The following MYRF variants were observed in gnomAD, a reference collection of about 807,000 sequenced individuals.
The protein encoded by MYRF is myelin gene regulatory factor.
In MYRF, 16 loss-of-function variants were observed where a neutral mutation model predicts 126.3. The ratio of observed to expected loss-of-function variants is 0.13; its 90% CI spans 0.09 to 0.19. The LOEUF (loss-of-function observed/expected upper bound fraction) is 0.19, where lower values mean the gene tolerates loss of function less well. Among genes scored for constraint, MYRF ranks in the 10% least tolerant of loss-of-function variants. The pLI is 1.00. For synonymous variants in MYRF, 608 were observed against 635.3 expected (o/e 0.96, Z 0.65); for missense variants, 1,104 against 1,547.0 (o/e 0.71, Z 4.80).
intron 3 of MYRF, 25 bp from the exon 4 acceptor site, chr11:61,769,235 C>G (rs373039511): frequency 1.3e-6 from 2 of 1,514,450 alleles, no homozygotes; most frequent in Non-Finnish European, 1.8e-6. Context: ...GCTCACCCCC[C>G]GGCCCCTTCC....
intron 1 of MYRF, among the ~76,000 whole-genome samples, chr11:61,762,117 T>C (rs2065916514): frequency 6.6e-6 from 1 of 151,992 alleles, no homozygotes; most frequent in Admixed American, 6.5e-5. Context: ...TTTCTCAGGC[T>C]TAGGGAACAG....
chr11:61,754,719 A>G (rs1291254750), intron 1 of MYRF, among the ~76,000 whole-genome samples: 1 of 152,162 alleles, frequency 6.6e-6, no homozygotes, highest in Non-Finnish European at 1.5e-5. Flanking sequence ...TACTCCCTCC[A>G]GAGAGATAAG....
intron 8 of MYRF, among the ~76,000 whole-genome samples, chr11:61,774,924 A>G (rs1296622520): frequency 6.6e-6 from 1 of 151,788 alleles, no homozygotes; most frequent in African/African-American, 2.4e-5. Flanking sequence ...GTCCCAAACT[A>G]AACTCCCTGC....
Position 61,769,309 on chromosome 11 carries a change from C to A in MYRF, c.448C>A (p.Gln150Lys), listed in dbSNP as rs1168443171. The A allele has an allele frequency of 3.1e-6, 5 of 1,610,198 alleles. No individual in the cohort carries two copies. Among genetic ancestry groups the A allele is most frequent in the Admixed American group, 1.7e-5 (1 of 59,742 alleles). Residue 150 changes from glutamine (Q) to lysine (K), a missense_variant, in exon 4 of 27, where the codon CAG (glutamine) becomes AAG (lysine). Transcript: ENST00000278836. The stretch of plus-strand genomic sequence containing the variant: ...CTCGGGCTCCGAGGCCTACTCCCCC[C>A]AGCAGGTGAATGGTGAGTCCAGCGG... The part of the protein sequence containing the change: ...PDSGSEAYSP[Q>K]QVNEPHLLRT...
Position 61,777,959 on chromosome 11 carries a change from C to T in MYRF, c.1903+114C>T. 2.4e-6 allele frequency: 2 copies of T among 823,950 alleles called. No individual in the cohort carries two copies. The highest frequency in any genetic ancestry group is 3.9e-6 in the Non-Finnish European group (2 of 512,776). 51.0% of individuals were successfully genotyped at this position (823,950 alleles called of 1,614,324 possible). ...CTCCTCTTGACTCCCGGAACTGCGC[C>T]CCTGGGAATCATGCCTTCTAGAAGT... On this transcript the variant is annotated intron_variant, in intron 13 of 26. Transcript: ENST00000278836. This position sits in a 1 kb window ranked among gnomAD's most constrained non-coding sequence, Gnocchi z 8.8.
chr11:61,769,082 C>A (rs562862166), intron 3 of MYRF, among the ~76,000 whole-genome samples, 178 bp from the exon 4 acceptor site: 6 of 152,344 alleles, frequency 3.9e-5, no homozygotes, highest in Admixed American at 3.9e-4. Flanking sequence ...GGCCCCAGGC[C>A]CTGCCAGGCA....
chr11:61,788,305 G>C lies in MYRF; in HGVS notation c.*2162G>C, dbSNP rs551788705. On this transcript the variant is annotated 3_prime_UTR_variant, in exon 27 of 27. Transcript: ENST00000278836. Reference sequence around the variant, plus strand: ...CTCCTGCCCATACCGTGCACCCTTAGAAGCCTGCGTGTGCATAGAGCGCCC... The same window carrying C: ...CTCCTGCCCATACCGTGCACCCTTACAAGCCTGCGTGTGCATAGAGCGCCC... 1 of 152,438 alleles carries C rather than the reference G, an allele frequency of 6.6e-6. No individual in the cohort carries two copies. The highest frequency in any genetic ancestry group is 2.4e-5 in the African/African-American group (1 of 41,520). The allele number at this position is 152,438 out of a possible 1,614,324, so 9.4% of individuals were successfully genotyped here.
In MYRF at chr11:61,757,773, T is replaced by A. The variant is rs971841579; in HGVS notation, c.46+4983T>A. On this transcript the variant is annotated intron_variant, in intron 1 of 26. Coordinates refer to ENST00000278836, the MANE Select transcript of MYRF (RefSeq NM_001127392.3). This position sits in a 1 kb window ranked among gnomAD's most constrained non-coding sequence, Gnocchi z 4.7. Reference sequence around the variant, plus strand: ...GTCTTCCTGGAGTCCTGGGGTGCAGTGGAAGCGTGGGTGACGGCCTCCCAT... The same window carrying A: ...GTCTTCCTGGAGTCCTGGGGTGCAGAGGAAGCGTGGGTGACGGCCTCCCAT... 3.0e-6 allele frequency: 1 copy of A among 338,982 alleles called. No homozygotes were observed. Among genetic ancestry groups the A allele is most frequent in the Non-Finnish European group, 5.9e-6 (1 of 170,346 alleles). The allele number at this position is 338,982 out of a possible 1,614,324, so 21.0% of individuals were successfully genotyped here. A position where few individuals can be genotyped will look rare whatever the true frequency, so the allele number is the denominator to read the frequency against.
chr11:61,779,819 G>T, intron 16 of MYRF, 23 bp from the exon 17 acceptor site: 1 of 1,609,472 alleles, frequency 6.2e-7, no homozygotes, highest in Non-Finnish European at 8.5e-7. Context: ...CTTTGCATTT[G>T]CACTTTTCCT....
chr11:61,766,558 A>C, intron 3 of MYRF: 1 of 317,278 alleles, frequency 3.2e-6, no homozygotes, highest in Non-Finnish European at 5.8e-6. Flanking sequence ...ACACCTGCAT[A>C]CCCGTGCACG....
rs1202514159 is a variant in MYRF, at chr11:61,780,787, C to T, written c.2481C>T (p.Cys827=). 1 of 1,545,738 alleles carries T rather than the reference C, an allele frequency of 6.5e-7. No homozygotes were observed. The highest frequency in any genetic ancestry group is 8.7e-7 in the Non-Finnish European group (1 of 1,147,554). Residue 827 remains cysteine, a synonymous_variant, in exon 19 of 27, where the codon TGC becomes TGT. Coordinates refer to ENST00000278836, the MANE Select transcript of MYRF (RefSeq NM_001127392.3). ...CCCCTGGGGGGAGTGAGGCCTTGTG[C>T]CCATGGTACGTGCTGACCAGCGCCC... ...PQPPGGSEAL[C]PWSSQSFGTT... is the part of the protein sequence containing the mutation.
At position 61,784,223 on chromosome 11, in the gene MYRF, G is replaced by T. The variant is rs560181007; in HGVS notation, c.3195-57G>T. ...GCGTGTGGCAGGCTGGCTGGGAGGG[G>T]GCTGGGGTTGAGGGACTCTAGAACC... On this transcript the variant is annotated intron_variant, in intron 24 of 26. Transcript: ENST00000278836. 2.0e-6 allele frequency: 3 copies of T among 1,515,714 alleles called. No homozygotes were observed. The African/African-American group carries it at 4.1e-5, about 21-fold the overall frequency. The allele number at this position is 1,515,714 out of a possible 1,614,324, so 93.9% of individuals were successfully genotyped here.
chr11:61,766,209 C>T lies in MYRF; in HGVS notation c.386C>T (p.Pro129Leu). Residue 129 changes from proline (P) to leucine (L), a missense_variant, in exon 3 of 27, where the codon CCC becomes CTC. Around this residue, in one of 10 missense-constraint regions of MYRF, gnomAD observed 368 missense variants for 403.9 expected, o/e 0.91. Transcript: ENST00000278836. ...GPPIKAEPKA[P>L]YAPGTLPDSP... ...CCCATCAAGGCTGAGCCCAAGGCTC[C>T]CTATGCCCCAGGGTGAGTAAGGGCA... 6.2e-7 allele frequency: 1 copy of T among 1,607,704 alleles called. No individual in the cohort carries two copies. The highest frequency in any genetic ancestry group is 8.5e-7 in the Non-Finnish European group (1 of 1,178,230).
chr11:61,770,976 G>A (rs1175007184), intron 5 of MYRF, among the ~76,000 whole-genome samples: 2 of 152,172 alleles, frequency 1.3e-5, no homozygotes, highest in East Asian at 3.9e-4. Flanking sequence ...TTTTACATGT[G>A]GAGATTCCAT....
Position 61,770,340 on chromosome 11 carries a change from G to A in MYRF, c.555G>A (p.Leu185=). Residue 185 remains leucine (L), a synonymous_variant, in exon 5 of 27, where the codon TTG becomes TTA. Coordinates refer to ENST00000278836, the MANE Select transcript of MYRF (RefSeq NM_001127392.3). ...LEHPPPPPAH[L]PGPPPPPPPP... is the part of the protein sequence containing the mutation. ...ATCCGCCCCCACCTCCAGCCCACTT[G>A]CCAGGCCCCCCGCCACCCCCACCAC... The A allele has an allele frequency of 6.9e-7, 1 of 1,442,054 alleles. No homozygotes were observed. The highest frequency in any genetic ancestry group is 9.5e-7 in the Non-Finnish European group (1 of 1,055,310). The allele number at this position is 1,442,054 out of a possible 1,614,324, so 89.3% of individuals were successfully genotyped here.
chr11:61,771,218 T>A (rs1191903478), intron 5 of MYRF, among the ~76,000 whole-genome samples: 2 of 152,208 alleles, frequency 1.3e-5, no homozygotes, highest in African/African-American at 4.8e-5. Context: ...TTGCTGTGAT[T>A]CTGTAAGCCA....
chr11:61,783,701 C>T lies in MYRF; in HGVS notation c.3119+101C>T. On this transcript the variant is annotated intron_variant, in intron 23 of 26. Transcript: ENST00000278836. This position sits in a 1 kb window ranked among gnomAD's most constrained non-coding sequence, Gnocchi z 4.6. Reference sequence around the variant, plus strand: ...CTTGCCCTTTCAGGGAGGAGCCTCCCCCATAAGGAAGGGTAGCCCCTTTCC... The same window carrying T: ...CTTGCCCTTTCAGGGAGGAGCCTCCTCCATAAGGAAGGGTAGCCCCTTTCC... 2 of 1,372,718 alleles carry T rather than the reference C, an allele frequency of 1.5e-6. No individual in the cohort carries two copies. The highest frequency in any genetic ancestry group is 2.3e-5 in the East Asian group (1 of 43,200). The allele number at this position is 1,372,718 out of a possible 1,614,324, so 85.0% of individuals were successfully genotyped here.
chr11:61,774,127 C>T lies in MYRF; in HGVS notation c.1276C>T (p.Leu426Phe). The T allele has an allele frequency of 6.2e-7, 1 of 1,613,206 alleles. No homozygotes were observed. The highest frequency in any genetic ancestry group is 1.3e-5 in the African/African-American group (1 of 75,046). Residue 426 changes from leucine to phenylalanine, a missense_variant, in exon 8 of 27, where the codon CTC becomes TTC. Coordinates refer to ENST00000278836, the MANE Select transcript of MYRF (RefSeq NM_001127392.3). ...YVKTPEGLKP[L>F]DCFYLKLHGV... is the part of the protein sequence containing the mutation. ...CAAGACGCCCGAGGGCCTCAAGCCC[C>T]TCGACTGCTTCTATCTGAAGCTGCA...
chr11:61,768,714 G>T (rs979708594), intron 3 of MYRF: 3 of 152,388 alleles, frequency 2.0e-5, no homozygotes, highest in African/African-American at 7.2e-5. Flanking sequence ...GTTCACGCAG[G>T]ACGTGTTGAC....
Sources: gnomAD v4.1 joint callset for allele counts (sites outside exome capture counted in the v4.1 genomes callset) on GRCh38, gnomAD v4.1.1 for gene constraint, gnomAD v4.1.1 regional missense constraint, Gnocchi (gnomAD v3.1) non-coding constraint, MANE v1.5 for transcripts, NCBI Gene and HGNC (gene_info 2026-07-23, HGNC 2026-07-21) for gene names.